Variants in ILDR2 observed in about 807,000 individuals in gnomAD.
ILDR2 encodes immunoglobulin-like domain-containing receptor 2.
A neutral mutation model predicts 66.8 loss-of-function variants in ILDR2; 25 were observed. That is an observed-to-expected ratio of 0.37 (90% CI 0.27 to 0.52). ILDR2 has a LOEUF of 0.52. Among genes scored for constraint, ILDR2 ranks in the 20% least tolerant of loss-of-function variants. The pLI is 0.88. For synonymous variants in ILDR2, 367 were observed against 357.2 expected, an observed-to-expected ratio of 1.03 and a Z score of -0.31; for missense variants, 827 against 876.8, an observed-to-expected ratio of 0.94 and a Z score of 0.72.
At chr1:166,932,218 T>C (rs1378076046) in intron 6 of ILDR2, among the ~76,000 whole-genome samples, 3 of 152,182 alleles carry the variant, frequency 2.0e-5, no homozygotes, top group Non-Finnish European at 4.4e-5. Flanking sequence ...AAGGAGGTAA[T>C]GATTGAAAAG....
chr1:166,966,626 G>A (rs571207442), intron 1 of ILDR2, among the ~76,000 whole-genome samples: 3 of 152,280 alleles, frequency 2.0e-5, no homozygotes, highest in South Asian at 2.1e-4. Flanking sequence ...CCATCACTGC[G>A]TAGGTAAAAG....
intron 8 of ILDR2, 151 bp downstream of exon 8, chr1:166,922,441 GT>G: frequency 1.5e-6 from 1 of 688,382 alleles, no homozygotes; most frequent in South Asian, 1.7e-5. Flanking sequence ...AATGTGAGAT[GT>G]TCAATATCCT....
At chr1:166,929,530 T>C (rs897399862) in intron 6 of ILDR2, among the ~76,000 whole-genome samples, 5 of 152,142 alleles carry the variant, frequency 3.3e-5, no homozygotes, top group East Asian at 3.8e-4. Context: ...ACTTAAAAAA[T>C]GTTCGTTGCA....
intron 7 of ILDR2, among the ~76,000 whole-genome samples, chr1:166,923,966 G>T (rs1412780404): frequency 6.6e-6 from 1 of 152,136 alleles, no homozygotes; most frequent in Non-Finnish European, 1.5e-5. Flanking sequence ...GCCAAGATAA[G>T]ATGTGGAAAT....
At chr1:166,962,797 C>T (rs1334403556) in intron 1 of ILDR2, among the ~76,000 whole-genome samples, 1 of 152,210 alleles carries the variant, frequency 6.6e-6, no homozygotes, top group Non-Finnish European at 1.5e-5. Flanking sequence ...GGAGTCTATA[C>T]AGGCTAATAA....
rs563536425 is a variant in ILDR2, at chr1:166,936,222, G to C, written c.703+369C>G. On this transcript the variant is annotated intron_variant, in intron 5 of 9. Transcript: ENST00000271417. The surrounding 1 kb of genome is among the most constrained non-coding windows in gnomAD (Gnocchi z 5.0). ...TTCTCATATAAAAAGGAACTTCTCT[G>C]CATGGGAAGGGAACGACCAGAGAAG... 6.6e-6 allele frequency among the ~76,000 whole-genome samples: 1 copy of C among 152,134 alleles called. No individual in the cohort carries two copies. The highest frequency in any genetic ancestry group is 1.5e-5 in the Non-Finnish European group (1 of 68,030).
intron 3 of ILDR2, among the ~76,000 whole-genome samples, chr1:166,945,788 A>C (rs923056629): frequency 1.2e-4 from 19 of 152,264 alleles, no homozygotes; most frequent in Non-Finnish European, 2.4e-4. Flanking sequence ...TGCTGACAGC[A>C]GAGTTACCTC....
chr1:166,956,878 G>C (rs1293205198), intron 2 of ILDR2, 26 bp from the exon 3 acceptor site: 2 of 1,610,254 alleles, frequency 1.2e-6, no homozygotes, highest in Non-Finnish European at 8.5e-7. Flanking sequence ...GAAGGACTCA[G>C]TCCTAAAACT....
At position 166,916,675 on chromosome 1, in the gene ILDR2, A is replaced by C. The variant is rs1254775906; in HGVS notation, c.*2680T>G. On this transcript the variant is annotated 3_prime_UTR_variant, in exon 10 of 10. Transcript: ENST00000271417. ...CCAGAAACAACTGCTTTTTCTCTCT[A>C]CTGAAAGCCTGGAAGTCTGAATGAT... The C allele has an allele frequency of 6.6e-6, 1 of 152,228 alleles. No individual in the cohort carries two copies. The allele number at this position is 152,228 out of a possible 1,614,324, so 9.4% of individuals were successfully genotyped here.
At position 166,936,033 on chromosome 1, in the gene ILDR2, T is replaced by C. The variant is rs1212952302; in HGVS notation, c.704-556A>G. On this transcript the variant is annotated intron_variant, in intron 5 of 9. Transcript: ENST00000271417. This position sits in a 1 kb window ranked among gnomAD's most constrained non-coding sequence, Gnocchi z 5.0. ...TCTCTTTCAAGATGTGTTTGGTTTA[T>C]GGGAGGGGTACCAAACTTAATGTCT... 1.3e-5 allele frequency among the ~76,000 whole-genome samples: 2 copies of C among 152,226 alleles called. No homozygotes were observed. The highest frequency in any genetic ancestry group is 4.8e-5 in the African/African-American group (2 of 41,458).
intron 3 of ILDR2, among the ~76,000 whole-genome samples, chr1:166,952,628 T>A (rs1336199010): frequency 6.6e-6 from 1 of 152,142 alleles, no homozygotes; most frequent in Non-Finnish European, 1.5e-5. Flanking sequence ...AGGAATGCAA[T>A]CTAGACAATA....
At chr1:166,974,082 G>T (rs2102046179) in intron 1 of ILDR2, among the ~76,000 whole-genome samples, 1 of 152,274 alleles carries the variant, frequency 6.6e-6, no homozygotes, top group Admixed American at 6.5e-5. Flanking sequence ...TTTGCCTAGT[G>T]CCTTGATTTT....
At chr1:166,974,932 A>G (rs1244461795) in intron 1 of ILDR2, among the ~76,000 whole-genome samples, 1 of 152,128 alleles carries the variant, frequency 6.6e-6, no homozygotes, top group Non-Finnish European at 1.5e-5. Flanking sequence ...ATGCATTCGA[A>G]AGAACAACCT....
At chr1:166,945,829 T>A (rs1295405085) in intron 3 of ILDR2, among the ~76,000 whole-genome samples, 1 of 152,232 alleles carries the variant, frequency 6.6e-6, no homozygotes, top group African/African-American at 2.4e-5. Flanking sequence ...GTTGGAGTCC[T>A]TCTAGGGTTT....
At chr1:166,972,727 T>C (rs1483887916) in intron 1 of ILDR2, among the ~76,000 whole-genome samples, 3 of 150,146 alleles carry the variant, frequency 2.0e-5, no homozygotes, top group African/African-American at 7.4e-5. Flanking sequence ...GGAGGAGAAA[T>C]AGAGAGGGAG....
chr1:166,921,009 A>T lies in ILDR2; in HGVS notation c.1582T>A (p.Tyr528Asn). 1 of 1,512,666 alleles carries T rather than the reference A, an allele frequency of 6.6e-7. No individual in the cohort carries two copies. The highest frequency in any genetic ancestry group is 8.8e-7 in the Non-Finnish European group (1 of 1,142,134). 93.7% of individuals were successfully genotyped at this position (1,512,666 alleles called of 1,614,324 possible). ...TGGCGCTCCCGCGCGCTGCCCAGGT[A>T]CGAGTGGTCGTATTTGGGTGCGGTG... ...PGTAPKYDHS[Y>N]LGSARERQAR... The change falls in exon 9 of 10, where the codon TAC (tyrosine) becomes AAC (asparagine). Residue 528 changes from tyrosine to asparagine, a missense_variant. Tyr to Asn is a moderately radical substitution (Grantham distance 143, BLOSUM62 -2). Coordinates refer to ENST00000271417, the MANE Select transcript of ILDR2 (RefSeq NM_199351.3). The surrounding 1 kb of genome is among the most constrained non-coding windows in gnomAD (Gnocchi z 5.3).
intron 1 of ILDR2, among the ~76,000 whole-genome samples, chr1:166,962,653 C>T (rs557739196): frequency 1.4e-4 from 22 of 152,182 alleles, no homozygotes; most frequent in African/African-American, 2.2e-4. Flanking sequence ...CTCCCATTCC[C>T]GAGAGGTCTG....
Position 166,965,054 on chromosome 1 carries a change from T to C in ILDR2, c.47-6953A>G, listed in dbSNP as rs77677294. 8.4e-3 allele frequency among the ~76,000 whole-genome samples: 1,280 copies of C among 152,270 alleles called. 25 individuals are homozygous for C. Among genetic ancestry groups the C allele is most frequent in the African/African-American group, 0.03 (1,231 of 41,548 alleles). ...TTAGAGACAGGCATCTTTAGAAATA[T>C]TGTATAATGCTCACCCACCCCTTAA... On this transcript the variant is annotated intron_variant, in intron 1 of 9. Coordinates refer to ENST00000271417, the MANE Select transcript of ILDR2 (RefSeq NM_199351.3).
Position 166,936,826 on chromosome 1 carries a change from G to A in ILDR2, c.557-89C>T. 1 of 1,286,370 alleles carries A rather than the reference G, an allele frequency of 7.8e-7. No homozygotes were observed. The highest frequency in any genetic ancestry group is 1.3e-5 in the South Asian group (1 of 76,572). 79.7% of individuals were successfully genotyped at this position (1,286,370 alleles called of 1,614,324 possible). A position where few individuals can be genotyped will look rare whatever the true frequency, so the allele number is the denominator to read the frequency against. The stretch of plus-strand genomic sequence containing the variant: ...GATTGGCATCTCCCGGTGAAAGGGG[G>A]AGAGGAGGAGGGACCTAGGGAAGAA... On this transcript the variant is annotated intron_variant, in intron 4 of 9. Transcript: ENST00000271417. The surrounding 1 kb of genome is among the most constrained non-coding windows in gnomAD (Gnocchi z 5.0).
Sources: allele counts gnomAD v4.1 joint callset (sites outside exome capture counted in the v4.1 genomes callset), GRCh38; gene constraint gnomAD v4.1.1; non-coding constraint Gnocchi (gnomAD v3.1); transcripts MANE v1.5; gene names NCBI Gene and HGNC (gene_info 2026-07-23, HGNC 2026-07-21).